Variants in GPR39 observed in about 807,000 individuals in gnomAD.
GPR39 encodes the protein G protein-coupled receptor 39.
A neutral mutation model predicts 18.4 loss-of-function variants in GPR39; 23 were observed. The observed-to-expected ratio is 1.25, with a 90% CI of 0.90 to 1.77. The LOEUF is 1.77. Among genes scored for constraint, GPR39 ranks in the 40% most tolerant of loss-of-function variants. GPR39 has a pLI of 0.00. For missense variants in GPR39, 647 were observed against 602.4 expected, an observed-to-expected ratio of 1.07 and a Z score of -0.78; for synonymous variants, 280 against 257.9, an observed-to-expected ratio of 1.09 and a Z score of -0.82.
At chr2:132,449,419 G>C (rs920692933) in intron 1 of GPR39, among the ~76,000 whole-genome samples, 1 of 152,012 alleles carries the variant, frequency 6.6e-6, no homozygotes, top group Non-Finnish European at 1.5e-5. Context: ...GCTAATTTTT[G>C]TATTTTTAGT....
intron 1 of GPR39, 74 bp from the exon 2 acceptor site, chr2:132,645,026 GT>G: frequency 6.7e-7 from 1 of 1,500,038 alleles, no homozygotes; most frequent in Non-Finnish European, 9.0e-7. Flanking sequence ...ATATTTTATG[GT>G]TTTATTCATT....
chr2:132,484,184 T>C (rs922015590), intron 1 of GPR39, among the ~76,000 whole-genome samples: 3 of 152,236 alleles, frequency 2.0e-5, no homozygotes, highest in African/African-American at 4.8e-5. Flanking sequence ...GGCATGTGGC[T>C]GGCACCAAGG....
At chr2:132,622,546 G>C (rs1378814458) in intron 1 of GPR39, among the ~76,000 whole-genome samples, 1 of 152,194 alleles carries the variant, frequency 6.6e-6, no homozygotes, top group African/African-American at 2.4e-5. Context: ...ATTTCATGGA[G>C]TCAGAAATTG....
chr2:132,446,907 A>G (rs1680547978), intron 1 of GPR39, among the ~76,000 whole-genome samples: 1 of 152,124 alleles, frequency 6.6e-6, no homozygotes, highest in Non-Finnish European at 1.5e-5. Context: ...CAGAAAAGTG[A>G]AGCAACATGG....
At chr2:132,505,107 C>T (rs1679110445) in intron 1 of GPR39, among the ~76,000 whole-genome samples, 1 of 152,178 alleles carries the variant, frequency 6.6e-6, no homozygotes, top group Non-Finnish European at 1.5e-5. Flanking sequence ...GTTATGGAGG[C>T]TGAGAAATTC....
intron 1 of GPR39, among the ~76,000 whole-genome samples, chr2:132,419,551 G>T (rs974181275): frequency 6.6e-6 from 1 of 152,156 alleles, no homozygotes; most frequent in Admixed American, 6.5e-5. Context: ...CTTGGGAAGC[G>T]TACCCAACTC....
intron 1 of GPR39, among the ~76,000 whole-genome samples, chr2:132,514,445 C>T (rs1174436906): frequency 1.3e-5 from 2 of 152,156 alleles, no homozygotes; most frequent in African/African-American, 4.8e-5. Context: ...GTCACAGGCT[C>T]CCCCGTGTTA....
intron 1 of GPR39, among the ~76,000 whole-genome samples, chr2:132,641,994 C>T (rs1681864832): frequency 6.6e-6 from 1 of 152,212 alleles, no homozygotes; most frequent in South Asian, 2.1e-4. Context: ...GCCTGCACTT[C>T]CTCATTTGTT....
At chr2:132,479,896 G>A (rs1157685876) in intron 1 of GPR39, among the ~76,000 whole-genome samples, 1 of 151,702 alleles carries the variant, frequency 6.6e-6, no homozygotes, top group African/African-American at 2.4e-5. Context: ...AGAAATATTT[G>A]TAGACCCACA....
At chr2:132,441,694 A>G (rs1680442951) in intron 1 of GPR39, among the ~76,000 whole-genome samples, 1 of 152,192 alleles carries the variant, frequency 6.6e-6, no homozygotes, top group Non-Finnish European at 1.5e-5. Flanking sequence ...GCTAGGTGCT[A>G]GGAGGAAAGC....
intron 1 of GPR39, among the ~76,000 whole-genome samples, chr2:132,592,239 T>A (rs1680859394): frequency 6.6e-6 from 1 of 151,604 alleles, no homozygotes; most frequent in African/African-American, 2.4e-5. Flanking sequence ...AACATGGGAG[T>A]GAAACTGTAG....
chr2:132,448,791 A>G (rs546190817), intron 1 of GPR39, among the ~76,000 whole-genome samples: 1 of 152,300 alleles, frequency 6.6e-6, no homozygotes. Flanking sequence ...ACTTCTAAGT[A>G]TACTGTAAGA....
rs1430265404 is a variant in GPR39, at chr2:132,417,752, C to T, written c.710C>T (p.Ser237Phe). ...AFVVYLVVLL[S>F]VAFMCWNMMQ... ...GTGGTCTACCTCGTGGTCCTGCTCTCCGTAGCCTTCATGTGCTGGAACATG... is the reference window on the plus strand; with the variant it reads ...GTGGTCTACCTCGTGGTCCTGCTCTTCGTAGCCTTCATGTGCTGGAACATG... Residue 237 changes from serine to phenylalanine, a missense_variant, in exon 1 of 2, where the codon TCC becomes TTC. By Grantham distance (155) the Ser-to-Phe change is radical. Around this residue, in one of 3 missense-constraint regions of GPR39, gnomAD observed 581 missense variants for 506.8 expected, o/e 1.15. Transcript: ENST00000329321. 2 of 1,614,220 alleles carry T rather than the reference C, an allele frequency of 1.2e-6. No individual in the cohort carries two copies. The highest frequency in any genetic ancestry group is 2.2e-5 in the South Asian group (2 of 91,090).
chr2:132,466,478 C>T lies in GPR39; in HGVS notation c.856+48580C>T, dbSNP rs527881561. Reference sequence around the variant, plus strand: ...GGGTAGGCTCCAGCAAACTTTGTAGCTCTGGGGAACATTCCCAGGGCCAGG... The same window carrying T: ...GGGTAGGCTCCAGCAAACTTTGTAGTTCTGGGGAACATTCCCAGGGCCAGG... On this transcript the variant is annotated intron_variant, in intron 1 of 1. Transcript: ENST00000329321. 7.2e-5 allele frequency among the ~76,000 whole-genome samples: 11 copies of T among 152,296 alleles called. No individual in the cohort carries two copies. The South Asian group carries it at 1.9e-3, about 26-fold the overall frequency.
intron 1 of GPR39, among the ~76,000 whole-genome samples, chr2:132,429,006 G>A (rs1033576577): frequency 6.6e-6 from 1 of 152,218 alleles, no homozygotes; most frequent in Non-Finnish European, 1.5e-5. Context: ...ATGAGGCATT[G>A]GGTCTGTTGT....
At chr2:132,609,931 G>A (rs887931094) in intron 1 of GPR39, among the ~76,000 whole-genome samples, 4 of 151,864 alleles carry the variant, frequency 2.6e-5, no homozygotes, top group South Asian at 2.1e-4. Flanking sequence ...GTAACTTAGC[G>A]CAAACCAAGT....
chr2:132,537,858 C>T (rs1425388371), intron 1 of GPR39, among the ~76,000 whole-genome samples: 2 of 151,824 alleles, frequency 1.3e-5, no homozygotes, highest in East Asian at 3.9e-4. Context: ...CTTGTGTATG[C>T]TTCACGAAGT....
At chr2:132,446,360 G>A (rs1020583014) in intron 1 of GPR39, among the ~76,000 whole-genome samples, 5 of 152,178 alleles carry the variant, frequency 3.3e-5, no homozygotes, top group African/African-American at 9.7e-5. Flanking sequence ...AGACAGACAC[G>A]CACATAAACC....
intron 1 of GPR39, among the ~76,000 whole-genome samples, chr2:132,587,842 G>T (rs977174042): frequency 6.6e-6 from 1 of 152,102 alleles, no homozygotes; most frequent in Non-Finnish European, 1.5e-5. Context: ...GCCTAGATTT[G>T]TCTTTAATAT....
Sources: gnomAD v4.1 joint callset for allele counts (sites outside exome capture counted in the v4.1 genomes callset) on GRCh38, gnomAD v4.1.1 for gene constraint, gnomAD v4.1.1 regional missense constraint, MANE v1.5 for transcripts, NCBI Gene and HGNC (gene_info 2026-07-23, HGNC 2026-07-21) for gene names.